CCDC85A: variants seen among roughly 807,000 people sequenced by gnomAD.
The protein encoded by CCDC85A is coiled-coil domain containing 85A, also known as coiled-coil domain-containing protein 85A.
A neutral mutation model predicts 50.2 loss-of-function variants in CCDC85A; 38 were observed. The observed-to-expected ratio is 0.76, with a 90% CI of 0.58 to 0.99. The LOEUF (loss-of-function observed/expected upper bound fraction) is 0.99. CCDC85A is among the 50% of genes least tolerant of loss of function. The probability of loss-of-function intolerance (pLI) is 0.00; values close to 1 mark genes in which losing one functional copy is unlikely to be tolerated. For missense variants in CCDC85A, 820 were observed against 742.0 expected (o/e 1.11, Z -1.22); for synonymous variants, 366 against 301.4 (o/e 1.21, Z -2.22).
At chr2:56,336,020 G>A (rs1253472483) in intron 2 of CCDC85A, among the ~76,000 whole-genome samples, 1 of 152,116 alleles carries the variant, frequency 6.6e-6, no homozygotes, top group Non-Finnish European at 1.5e-5. Context: ...ATTTCAGCAT[G>A]ATTTTTGAAA....
rs1019730079 is a variant in CCDC85A at position 56,184,574 on chromosome 2, G to A, written c.-51G>A. On this transcript the variant is annotated 5_prime_UTR_variant, in exon 1 of 6. Transcript: ENST00000407595. ...CGGCCTCGCCGCGCCCGCGCCTTCGGGAGTCGCCTCGCCTCTTCCACCCAC... is the reference window on the plus strand; with the variant it reads ...CGGCCTCGCCGCGCCCGCGCCTTCGAGAGTCGCCTCGCCTCTTCCACCCAC... The A allele has an allele frequency of 3.7e-6, 5 of 1,366,112 alleles. No individual in the cohort carries two copies. The highest frequency in any genetic ancestry group is 4.7e-6 in the Non-Finnish European group (5 of 1,069,630). 84.6% of individuals were successfully genotyped at this position (1,366,112 alleles called of 1,614,324 possible). A position where few individuals can be genotyped will look rare whatever the true frequency, so the allele number is the denominator to read the frequency against.
chr2:56,193,982 G>T (rs1676428323), intron 2 of CCDC85A, among the ~76,000 whole-genome samples: 1 of 152,202 alleles, frequency 6.6e-6, no homozygotes, highest in Admixed American at 6.5e-5. Context: ...AAATATGCCT[G>T]ACTTTACCTT....
chr2:56,321,308 A>C (rs1445974236), intron 2 of CCDC85A, among the ~76,000 whole-genome samples: 1 of 152,204 alleles, frequency 6.6e-6, no homozygotes, highest in Non-Finnish European at 1.5e-5. Context: ...AGGCAGGAGA[A>C]GGTAATAAAG....
At chr2:56,216,173 C>T (rs181360472) in intron 2 of CCDC85A, among the ~76,000 whole-genome samples, 13 of 151,820 alleles carry the variant, frequency 8.6e-5, no homozygotes, top group African/African-American at 2.9e-4. Context: ...TTGGCAATTG[C>T]GAACAAAGCT....
chr2:56,184,883 G>T lies in CCDC85A; in HGVS notation c.259G>T (p.Glu87Ter). The stretch of plus-strand genomic sequence containing the variant: ...CCGCCGCCTGCAGCTGCACCTCGGC[G>T]AGATCCGCGGCCTCAAGGTGAGCGC... ...VNRRLQLHLGEIRGLKDINQK... is the reference protein window; with the variant it reads ...VNRRLQLHLG Residue 87 changes from glutamate (E) to a stop codon, truncating the protein, a stop_gained, in exon 1 of 6, where the codon GAG becomes TAG. Coordinates refer to ENST00000407595, the MANE Select transcript of CCDC85A (RefSeq NM_001080433.2). LOFTEE classifies it high-confidence loss of function. The T allele has an allele frequency of 6.6e-7, 1 of 1,521,978 alleles. No individual in the cohort carries two copies. The highest frequency in any genetic ancestry group is 1.2e-5 in the South Asian group (1 of 81,484). 94.3% of individuals were successfully genotyped at this position (1,521,978 alleles called of 1,614,324 possible).
intron 2 of CCDC85A, among the ~76,000 whole-genome samples, chr2:56,247,528 A>G (rs1310199348): frequency 1.3e-5 from 2 of 152,218 alleles, no homozygotes; most frequent in South Asian, 2.1e-4. Context: ...TTTTAATGCA[A>G]TAGGAGCTCA....
At chr2:56,194,103 T>C (rs1676433891) in intron 2 of CCDC85A, among the ~76,000 whole-genome samples, 1 of 152,228 alleles carries the variant, frequency 6.6e-6, no homozygotes, top group Admixed American at 6.5e-5. Context: ...AACACTGTCA[T>C]CAAACTCCCT....
chr2:56,297,037 T>G (rs1671982641), intron 2 of CCDC85A, among the ~76,000 whole-genome samples: 2 of 152,220 alleles, frequency 1.3e-5, no homozygotes, highest in South Asian at 4.1e-4. Context: ...AGTCATTTCA[T>G]TCTGAGTTCT....
intron 2 of CCDC85A, among the ~76,000 whole-genome samples, chr2:56,223,191 A>G (rs1281931430): frequency 6.6e-6 from 1 of 152,148 alleles, no homozygotes; most frequent in Non-Finnish European, 1.5e-5. Flanking sequence ...TTTCATTTGG[A>G]TGCATAAATT....
intron 2 of CCDC85A, among the ~76,000 whole-genome samples, chr2:56,240,087 T>C (rs780690605): frequency 6.6e-6 from 1 of 152,174 alleles, no homozygotes; most frequent in Non-Finnish European, 1.5e-5. Flanking sequence ...TTCACAGAGT[T>C]GTACAATGAT....
At chr2:56,362,388 A>G (rs1675573431) in intron 3 of CCDC85A, among the ~76,000 whole-genome samples, 2 of 152,252 alleles carry the variant, frequency 1.3e-5, no homozygotes, top group African/African-American at 2.4e-5. Flanking sequence ...CAGGTGAGAT[A>G]TCAGAGCTGG....
intron 2 of CCDC85A, among the ~76,000 whole-genome samples, chr2:56,295,249 A>G (rs1671893543): frequency 6.6e-6 from 1 of 152,126 alleles, no homozygotes; most frequent in Non-Finnish European, 1.5e-5. Flanking sequence ...TATTTATTGG[A>G]CCTTCAAGTA....
At chr2:56,376,478 G>C (rs533365740) in intron 5 of CCDC85A, among the ~76,000 whole-genome samples, 4 of 152,216 alleles carry the variant, frequency 2.6e-5, no homozygotes, top group African/African-American at 9.6e-5. Flanking sequence ...GATATATGGT[G>C]TTATACATAA....
At chr2:56,328,805 G>A (rs1050234751) in intron 2 of CCDC85A, among the ~76,000 whole-genome samples, 2 of 151,886 alleles carry the variant, frequency 1.3e-5, no homozygotes, top group Non-Finnish European at 2.9e-5. Context: ...TGCTTTCTGC[G>A]CCACTGCCCT....
intron 2 of CCDC85A, among the ~76,000 whole-genome samples, chr2:56,308,724 G>A (rs558350165): frequency 6.6e-6 from 1 of 152,164 alleles, no homozygotes; most frequent in Non-Finnish European, 1.5e-5. Flanking sequence ...GAACTCATAT[G>A]TATTGAAAGT....
chr2:56,254,469 G>A (rs1260000881), intron 2 of CCDC85A, among the ~76,000 whole-genome samples: 4 of 152,114 alleles, frequency 2.6e-5, no homozygotes, highest in African/African-American at 9.7e-5. Context: ...TAATTCATGT[G>A]AAAAACCAAG....
At chr2:56,308,748 C>T (rs540356060) in intron 2 of CCDC85A, among the ~76,000 whole-genome samples, 47 of 152,298 alleles carry the variant, frequency 3.1e-4, no homozygotes, top group Middle Eastern at 3.4e-3. Context: ...CCTGGCCCGA[C>T]TTGTTTGGCA....
intron 2 of CCDC85A, among the ~76,000 whole-genome samples, chr2:56,197,948 G>A (rs192005616): frequency 1.3e-5 from 2 of 151,982 alleles, no homozygotes; most frequent in Admixed American, 6.5e-5. Flanking sequence ...ACCTATTTAC[G>A]GCGGATGTCG....
intron 1 of CCDC85A, 60 bp downstream of exon 1, chr2:56,184,960 A>C: frequency 7.0e-7 from 1 of 1,427,382 alleles, no homozygotes; most frequent in African/African-American, 1.5e-5. Flanking sequence ...CCCGAGGAGG[A>C]GGCGGGGCCA....
Sources: allele counts gnomAD v4.1 joint callset (sites outside exome capture counted in the v4.1 genomes callset), GRCh38; gene constraint gnomAD v4.1.1; transcripts MANE v1.5; gene names NCBI Gene and HGNC (gene_info 2026-07-23, HGNC 2026-07-21).